Variants in LARGE1 observed in about 807,000 individuals in gnomAD.
The protein encoded by LARGE1 is xylosyl- and glucuronyltransferase LARGE1.
LARGE1 carries 43 observed loss-of-function variants against 87.6 expected under a neutral mutation model. The ratio of observed to expected loss-of-function variants is 0.49; its 90% confidence interval spans 0.38 to 0.63. The LOEUF (loss-of-function observed/expected upper bound fraction) is 0.63, where lower values mean the gene tolerates loss of function less well. Ranked by LOEUF, LARGE1 falls within the 30% of genes least tolerant of loss-of-function variation. LARGE1 has a pLI of 0.00. For missense variants in LARGE1, 802 were observed against 1,000.2 expected (o/e 0.80, Z 2.67); for synonymous variants, 434 against 394.6 (o/e 1.10, Z -1.18).
At chr22:33,078,684 T>A in the LARGE1 span, among the ~76,000 whole-genome samples, 1 of 152,226 alleles carries the variant, frequency 6.6e-6, no homozygotes, top group South Asian at 2.1e-4. Context: ...CAACATTGAA[T>A]TAGCCTTTAT....
At chr22:33,461,319 A>G (rs1322375965) in intron 6 of LARGE1, among the ~76,000 whole-genome samples, 1 of 152,124 alleles carries the variant, frequency 6.6e-6, no homozygotes, top group Non-Finnish European at 1.5e-5. Context: ...AACAAATAAA[A>G]TATGTCCCTA....
Position 33,439,656 on chromosome 22 carries a change from A to G in LARGE1, c.788-7391T>C, listed in dbSNP as rs150259161. 4.4e-3 allele frequency among the ~76,000 whole-genome samples: 673 copies of G among 152,240 alleles called. 3 individuals are homozygous for G. Among genetic ancestry groups the G allele is most frequent in the African/African-American group, 0.016 (649 of 41,536 alleles). ...CACTATTGACTGGAAGATGATCACC[A>G]ATCTCCATGTTAACTCAGACTTCTT... On this transcript the variant is annotated intron_variant, in intron 6 of 14. Coordinates refer to ENST00000397394, the MANE Select transcript of LARGE1 (RefSeq NM_133642.5).
At chr22:33,910,576 G>A (rs538157808) in intron 1 of LARGE1, among the ~76,000 whole-genome samples, 6 of 152,194 alleles carry the variant, frequency 3.9e-5, no homozygotes, top group African/African-American at 1.4e-4. Flanking sequence ...TCACCAAGAC[G>A]AGGCTCCTGA....
chr22:33,550,183 A>T (rs5999007), intron 6 of LARGE1, among the ~76,000 whole-genome samples: 83 of 151,606 alleles, frequency 5.5e-4, no homozygotes, highest in Non-Finnish European at 1.1e-3. Context: ...ACACATATAT[A>T]TATATGTATG....
chr22:33,084,307 G>T, the LARGE1 span, among the ~76,000 whole-genome samples: 24 of 152,004 alleles, frequency 1.6e-4, no homozygotes, highest in Non-Finnish European at 7.4e-5. Context: ...TTAGTTTTCT[G>T]CTTGAAGGAA....
intron 2 of LARGE1, among the ~76,000 whole-genome samples, chr22:33,696,531 A>G (rs897910234): frequency 1.2e-4 from 18 of 152,058 alleles, no homozygotes; most frequent in African/African-American, 4.3e-4. Context: ...CCAAAGTGCT[A>G]GGATTACAGG....
At chr22:33,628,682 G>A (rs1300712620) in intron 3 of LARGE1, among the ~76,000 whole-genome samples, 1 of 152,088 alleles carries the variant, frequency 6.6e-6, no homozygotes, top group Non-Finnish European at 1.5e-5. Flanking sequence ...TGTGCCCCAG[G>A]CCCTCCGTCC....
chr22:33,130,738 G>A, the LARGE1 span, among the ~76,000 whole-genome samples: 1 of 152,022 alleles, frequency 6.6e-6, no homozygotes, highest in Non-Finnish European at 1.5e-5. Flanking sequence ...AGACAAGAAC[G>A]GGACAGGTGA....
At chr22:33,362,323 C>T (rs2064416174) in intron 9 of LARGE1, among the ~76,000 whole-genome samples, 1 of 149,570 alleles carries the variant, frequency 6.7e-6, no homozygotes, top group South Asian at 2.2e-4. Flanking sequence ...TCAATTTTCT[C>T]AATAATGTAA....
At chr22:33,882,498 G>A (rs1678766629) in intron 1 of LARGE1, among the ~76,000 whole-genome samples, 1 of 152,126 alleles carries the variant, frequency 6.6e-6, no homozygotes, top group Non-Finnish European at 1.5e-5. Flanking sequence ...GCAGATGCCA[G>A]CCAGGAGACC....
chr22:33,893,688 G>A (rs1427326825), intron 1 of LARGE1, among the ~76,000 whole-genome samples: 1 of 152,190 alleles, frequency 6.6e-6, no homozygotes, highest in Non-Finnish European at 1.5e-5. Context: ...AAGTGGTACA[G>A]GTAAGCCATC....
At chr22:33,430,124 C>T (rs2147697753) in intron 7 of LARGE1, among the ~76,000 whole-genome samples, 1 of 152,328 alleles carries the variant, frequency 6.6e-6, no homozygotes, top group African/African-American at 2.4e-5. Context: ...TCAAGCAAGG[C>T]AGGTTGGTAG....
chr22:33,564,621 T>C (rs2077967252), intron 6 of LARGE1, among the ~76,000 whole-genome samples: 1 of 152,252 alleles, frequency 6.6e-6, no homozygotes, highest in Non-Finnish European at 1.5e-5. Context: ...ATTTATCTGT[T>C]AAAAACATCT....
Position 33,756,122 on chromosome 22 carries a change from T to C in LARGE1, c.106+5249A>G, listed in dbSNP as rs184319343. ...ATACCCTGAAGACAGACAGTATAGGTTGGGGAAAAAACAATTGTGGAAGAC... is the reference window on the plus strand; with the variant it reads ...ATACCCTGAAGACAGACAGTATAGGCTGGGGAAAAAACAATTGTGGAAGAC... On this transcript the variant is annotated intron_variant, in intron 2 of 14. Transcript: ENST00000397394. 5.9e-5 allele frequency among the ~76,000 whole-genome samples: 9 copies of C among 152,194 alleles called. No homozygotes were observed. The South Asian group carries it at 1.5e-3, about 25-fold the overall frequency.
chr22:33,223,909 C>A (rs990545845), intron 11 of LARGE1, among the ~76,000 whole-genome samples: 23 of 152,178 alleles, frequency 1.5e-4, no homozygotes, highest in African/African-American at 4.8e-4. Flanking sequence ...CAAATGCTCA[C>A]CCAGCCCCAC....
chr22:33,882,015 T>C (rs183726105), intron 1 of LARGE1, among the ~76,000 whole-genome samples: 7 of 151,778 alleles, frequency 4.6e-5, no homozygotes, highest in African/African-American at 9.7e-5. Flanking sequence ...CAATTATCTT[T>C]GCGGGGTTTT....
intron 2 of LARGE1, among the ~76,000 whole-genome samples, chr22:33,737,964 T>C (rs993126149): frequency 3.9e-5 from 6 of 152,076 alleles, no homozygotes; most frequent in East Asian, 1.9e-4. Context: ...CTCTGTGCCT[T>C]TGAGACAACC....
intron 1 of LARGE1, among the ~76,000 whole-genome samples, chr22:33,830,486 C>T (rs1311646241): frequency 6.6e-6 from 1 of 152,172 alleles, no homozygotes; most frequent in African/African-American, 2.4e-5. Flanking sequence ...CTTTGAACTC[C>T]AGCTCTGCTA....
At chr22:33,797,541 G>C (rs1003025943) in intron 1 of LARGE1, among the ~76,000 whole-genome samples, 1 of 152,164 alleles carries the variant, frequency 6.6e-6, no homozygotes, top group Admixed American at 6.5e-5. Flanking sequence ...AGGAGCCAAC[G>C]GTGGTTGGAG....
Sources: allele counts gnomAD v4.1 joint callset (sites outside exome capture counted in the v4.1 genomes callset), GRCh38; gene constraint gnomAD v4.1.1; transcripts MANE v1.5; gene names NCBI Gene and HGNC (gene_info 2026-07-23, HGNC 2026-07-21).